EPG5: variants seen among roughly 807,000 people sequenced by gnomAD.
The protein encoded by EPG5 is ectopic P granules protein 5 homolog.
Under a neutral mutation model 302.7 loss-of-function variants are expected in EPG5, and 159 were observed. The observed-to-expected ratio is 0.53, with a 90% CI of 0.46 to 0.60. The LOEUF (loss-of-function observed/expected upper bound fraction) is 0.60. Ranked by LOEUF, EPG5 falls within the 20% of genes least tolerant of loss-of-function variation. The pLI, the probability that EPG5 is intolerant of heterozygous loss-of-function variation, is 0.00. For synonymous variants in EPG5, 1,158 were observed against 1,136.8 expected (o/e 1.02, Z -0.37); for missense variants, 2,896 against 3,092.4 (o/e 0.94, Z 1.51).
At chr18:45,823,563 G>A in the EPG5 span, among the ~76,000 whole-genome samples, 818 of 152,244 alleles carry the variant, frequency 5.4e-3, 5 homozygotes, top group Middle Eastern at 0.024. Context: ...GGCAACCCTC[G>A]GCCATTTACA....
the EPG5 span, among the ~76,000 whole-genome samples, chr18:45,822,573 T>C: frequency 6.6e-6 from 1 of 152,180 alleles, no homozygotes; most frequent in Non-Finnish European, 1.5e-5. Context: ...AAAGAAATTA[T>C]AAATGTTTAA....
chr18:45,890,559 G>A (rs2049320312), intron 27 of EPG5, among the ~76,000 whole-genome samples: 1 of 148,288 alleles, frequency 6.7e-6, no homozygotes, highest in Admixed American at 6.8e-5. Flanking sequence ...GGAAAAACAA[G>A]GAGAATTTAT....
At position 45,870,615 on chromosome 18, in the gene EPG5, T is replaced by G; in HGVS notation, c.6177A>C (p.Pro2059=). ...YAFHSTYRKL[P]WKDLHPDQML... is the part of the protein sequence containing the mutation. ...TCTGGTCAGGGTGCAGGTCCTTCCA[T>G]GGCAGTTTCCGGTACGTGCTATGGA... Residue 2059 remains proline, a synonymous_variant, in exon 36 of 44, where the codon CCA becomes CCC. Transcript: ENST00000282041. 6.2e-7 allele frequency: 1 copy of G among 1,614,070 alleles called. No individual in the cohort carries two copies. Among genetic ancestry groups the G allele is most frequent in the Non-Finnish European group, 8.5e-7 (1 of 1,179,990 alleles).
chr18:45,844,281 G>A (rs2048348303), downstream of EPG5, among the ~76,000 whole-genome samples: 1 of 152,066 alleles, frequency 6.6e-6, no homozygotes. Context: ...AGCAGGGAGC[G>A]GGCGATAACG....
At chr18:45,895,955 C>T (rs1304069053) in intron 27 of EPG5, among the ~76,000 whole-genome samples, 1 of 152,212 alleles carries the variant, frequency 6.6e-6, no homozygotes, top group South Asian at 2.1e-4. Flanking sequence ...TATTTAAGTA[C>T]AATCTTTGGC....
At chr18:45,936,992 A>C (rs781654933) in intron 10 of EPG5, among the ~76,000 whole-genome samples, 3 of 152,096 alleles carry the variant, frequency 2.0e-5, no homozygotes, top group Non-Finnish European at 4.4e-5. Flanking sequence ...ACTCTGGAAA[A>C]GCCAGCTAGA....
intron 34 of EPG5, among the ~76,000 whole-genome samples, chr18:45,878,007 T>C (rs1005301399): frequency 2.0e-5 from 3 of 152,204 alleles, no homozygotes; most frequent in Non-Finnish European, 2.9e-5. Context: ...AATAATTTTA[T>C]AGCCAACTTA....
chr18:45,847,909 T>C lies in EPG5; in HGVS notation c.*4558A>G, dbSNP rs570702299. On this transcript the variant is annotated 3_prime_UTR_variant, in exon 44 of 44. Transcript: ENST00000282041. ...TCAGTGCTCAATGAGAGACAGTACATCTGTACATTAAAAAATAAAAGTTAT... is the reference window on the plus strand; with the variant it reads ...TCAGTGCTCAATGAGAGACAGTACACCTGTACATTAAAAAATAAAAGTTAT... 6.6e-6 allele frequency: 1 copy of C among 152,636 alleles called. No individual in the cohort carries two copies. Among genetic ancestry groups the C allele is most frequent in the South Asian group, 2.1e-4 (1 of 4,824 alleles). 9.5% of individuals were successfully genotyped at this position (152,636 alleles called of 1,614,324 possible).
intron 21 of EPG5, 86 bp downstream of exon 21, chr18:45,913,620 C>G (rs2049961537): frequency 4.6e-6 from 7 of 1,512,974 alleles, no homozygotes; most frequent in Non-Finnish European, 6.3e-6. Flanking sequence ...AAATAAAACA[C>G]AAAAGCTCAA....
intron 35 of EPG5, among the ~76,000 whole-genome samples, chr18:45,873,808 A>G (rs921577773): frequency 2.0e-5 from 3 of 152,212 alleles, no homozygotes; most frequent in African/African-American, 7.2e-5. Context: ...GATAAGATAT[A>G]TAAAAGATAA....
chr18:45,891,982 C>T (rs1460548221), intron 27 of EPG5, among the ~76,000 whole-genome samples: 3 of 152,120 alleles, frequency 2.0e-5, no homozygotes, highest in African/African-American at 7.2e-5. Context: ...AATCCCCTGG[C>T]TGGCCTGGAG....
chr18:45,929,873 G>T (rs947306684), intron 12 of EPG5, among the ~76,000 whole-genome samples: 13 of 152,308 alleles, frequency 8.5e-5, no homozygotes, highest in African/African-American at 3.1e-4. Context: ...ATCCAGGTTT[G>T]TCATTCTCAA....
At chr18:45,830,067 A>G in the EPG5 span, among the ~76,000 whole-genome samples, 1 of 152,096 alleles carries the variant, frequency 6.6e-6, no homozygotes, top group Non-Finnish European at 1.5e-5. Context: ...GTGCTCCGCC[A>G]TGAAACCGAC....
At position 45,884,672 on chromosome 18, in the gene EPG5, A is replaced by C; in HGVS notation, c.5249T>G (p.Val1750Gly). The C allele has an allele frequency of 1.2e-6, 2 of 1,611,214 alleles. No individual in the cohort carries two copies. The highest frequency in any genetic ancestry group is 1.7e-6 in the Non-Finnish European group (2 of 1,179,048). The change falls in exon 30 of 44, where the codon GTG (valine) becomes GGG (glycine). Residue 1750 changes from valine to glycine, a missense_variant. This residue lies in a region of EPG5 where 790 missense variants were observed against 798.0 expected (regional missense o/e 0.99). Transcript: ENST00000282041. Reference sequence around the variant, plus strand: ...GTTGTCCTCACTTAGAAACTTCACCACTTGCTCATACAGCTGTATGAACTC... The same window carrying C: ...GTTGTCCTCACTTAGAAACTTCACCCCTTGCTCATACAGCTGTATGAACTC... ...PAEFIQLYEQ[V>G]VKFLSEDNSD... is the part of the protein sequence containing the mutation.
chr18:45,903,091 T>C (rs1426051908), intron 25 of EPG5, among the ~76,000 whole-genome samples: 1 of 151,866 alleles, frequency 6.6e-6, no homozygotes, highest in Non-Finnish European at 1.5e-5. Flanking sequence ...AATCATTTAA[T>C]AGTTCCCAGA....
At chr18:45,867,105 A>G (rs1023385498) in intron 37 of EPG5, 98 bp from the exon 38 acceptor site, 2 of 805,876 alleles carry the variant, frequency 2.5e-6, no homozygotes, top group South Asian at 1.6e-5. Flanking sequence ...AAGATGGCCT[A>G]TGGTAAGCAC....
At chr18:45,878,560 G>T (rs2049021113) in intron 33 of EPG5, 112 bp from the exon 34 acceptor site, 8 of 684,012 alleles carry the variant, frequency 1.2e-5, no homozygotes, top group South Asian at 8.7e-5. Context: ...ATAAACCTAT[G>T]TTAATGTATA....
intron 24 of EPG5, among the ~76,000 whole-genome samples, chr18:45,907,560 A>G (rs2049784308): frequency 6.6e-6 from 1 of 152,154 alleles, no homozygotes; most frequent in African/African-American, 2.4e-5. Flanking sequence ...CCATGCAACC[A>G]ACCTCCCACA....
chr18:45,920,102 A>G lies in EPG5; in HGVS notation c.3098+2239T>C, dbSNP rs9955512. On this transcript the variant is annotated intron_variant, in intron 16 of 43. Coordinates refer to ENST00000282041, the MANE Select transcript of EPG5 (RefSeq NM_020964.3). The stretch of plus-strand genomic sequence containing the variant: ...AGGCGTCAGTGAGAAGTGTTTCCTC[A>G]TCATTTCCCTTCCTCTCCCCTTACC... 4.3e-3 allele frequency among the ~76,000 whole-genome samples: 660 copies of G among 152,254 alleles called. 3 individuals carry two copies. Among genetic ancestry groups the G allele is most frequent in the African/African-American group, 0.015 (625 of 41,540 alleles).
Sources: gnomAD v4.1 joint callset for allele counts (sites outside exome capture counted in the v4.1 genomes callset) on GRCh38, gnomAD v4.1.1 for gene constraint, gnomAD v4.1.1 regional missense constraint, MANE v1.5 for transcripts, NCBI Gene and HGNC (gene_info 2026-07-23, HGNC 2026-07-21) for gene names.